The following CTNND2 variants were observed in gnomAD, a reference collection of about 807,000 sequenced individuals.
The protein encoded by CTNND2 is catenin delta-2.
A neutral mutation model predicts 144.4 loss-of-function variants in CTNND2; 22 were observed. That is an observed-to-expected ratio of 0.15 (90% confidence interval 0.11 to 0.22). The LOEUF is 0.22. Ranked by LOEUF, CTNND2 falls within the 10% of genes least tolerant of loss-of-function variation. The pLI, the probability that CTNND2 is intolerant of heterozygous loss-of-function variation, is 1.00. For synonymous variants in CTNND2, 751 were observed against 695.6 expected, an observed-to-expected ratio of 1.08 and a Z score of -1.25; for missense variants, 1,353 against 1,618.8, an observed-to-expected ratio of 0.84 and a Z score of 2.82.
At chr5:11,404,691 C>T (rs1760944497) in intron 5 of CTNND2, among the ~76,000 whole-genome samples, 1 of 131,296 alleles carries the variant, frequency 7.6e-6, no homozygotes, top group African/African-American at 2.7e-5. Flanking sequence ...AATCTTGGCT[C>T]ACTGCAACCT....
At chr5:11,646,511 T>C (rs1327987748) in intron 2 of CTNND2, among the ~76,000 whole-genome samples, 1 of 152,202 alleles carries the variant, frequency 6.6e-6, no homozygotes, top group Non-Finnish European at 1.5e-5. Context: ...TTGGAATACA[T>C]TTCCATCAGT....
chr5:11,762,107 T>A (rs1789299319), intron 1 of CTNND2, among the ~76,000 whole-genome samples: 1 of 152,184 alleles, frequency 6.6e-6, no homozygotes, highest in Admixed American at 6.5e-5. Flanking sequence ...CTGATATAAC[T>A]GGATGAAATC....
intron 3 of CTNND2, among the ~76,000 whole-genome samples, chr5:11,482,332 AC>A (rs1395227360): frequency 1.3e-5 from 2 of 152,110 alleles, no homozygotes; most frequent in Admixed American, 6.5e-5. Context: ...CACCACCTAC[AC>A]ATACAAAATG....
chr5:11,634,451 A>G (rs922143580), intron 2 of CTNND2, among the ~76,000 whole-genome samples: 2 of 152,088 alleles, frequency 1.3e-5, no homozygotes, highest in Non-Finnish European at 2.9e-5. Flanking sequence ...TTTCTCCTCA[A>G]TCTCAATCCC....
chr5:11,213,297 A>G (rs1738830055), intron 10 of CTNND2, among the ~76,000 whole-genome samples: 1 of 152,114 alleles, frequency 6.6e-6, no homozygotes, highest in Non-Finnish European at 1.5e-5. Flanking sequence ...GAAAAGCTTA[A>G]GTTCCACCAC....
intron 9 of CTNND2, among the ~76,000 whole-genome samples, chr5:11,316,930 G>A (rs1258129962): frequency 6.6e-6 from 1 of 151,882 alleles, no homozygotes; most frequent in Admixed American, 6.6e-5. Flanking sequence ...TTGCTATTGT[G>A]AATAGTGCCA....
rs150359360 is a variant in CTNND2 at position 11,647,305 on chromosome 5, C to G, written c.175-82249G>C. On this transcript the variant is annotated intron_variant, in intron 2 of 21. Transcript: ENST00000304623. ...ATAAAGCTGTCTGCCTTCTCCATGTCTAAGTTCCAACAAAATAACTTCAGC... is the reference window on the plus strand; with the variant it reads ...ATAAAGCTGTCTGCCTTCTCCATGTGTAAGTTCCAACAAAATAACTTCAGC... Among the ~76,000 whole-genome samples the G allele has an allele frequency of 7.6e-4, 115 of 152,254 alleles. 3 individuals carry two copies. In the East Asian group the frequency reaches 0.021, roughly 27 times the overall value.
At chr5:11,302,829 G>A (rs1749752736) in intron 9 of CTNND2, among the ~76,000 whole-genome samples, 13 of 152,188 alleles carry the variant, frequency 8.5e-5, no homozygotes, top group Admixed American at 8.5e-4. Flanking sequence ...TGGTTATGAG[G>A]CAATGCCTGG....
At chr5:11,727,516 A>G (rs1787088004) in intron 2 of CTNND2, among the ~76,000 whole-genome samples, 1 of 152,138 alleles carries the variant, frequency 6.6e-6, no homozygotes, top group African/African-American at 2.4e-5. Flanking sequence ...AAGGAAATGC[A>G]TGCTTTTTTT....
chr5:11,357,366 C>G (rs180855474), intron 8 of CTNND2, among the ~76,000 whole-genome samples: 1 of 152,130 alleles, frequency 6.6e-6, no homozygotes, highest in Admixed American at 6.5e-5. Flanking sequence ...AAAATGAAAT[C>G]CTGCCATTTG....
chr5:11,831,411 G>A (rs1793893254), intron 1 of CTNND2, among the ~76,000 whole-genome samples: 1 of 152,134 alleles, frequency 6.6e-6, no homozygotes, highest in Non-Finnish European at 1.5e-5. Flanking sequence ...GCTCATGCCT[G>A]TAATCCCAGC....
At chr5:11,593,317 G>A (rs920854781) in intron 2 of CTNND2, among the ~76,000 whole-genome samples, 2 of 152,162 alleles carry the variant, frequency 1.3e-5, no homozygotes, top group Non-Finnish European at 2.9e-5. Context: ...GTCTTTCTCT[G>A]TATATGTGTT....
intron 9 of CTNND2, among the ~76,000 whole-genome samples, chr5:11,247,168 T>G (rs1561088165): frequency 6.6e-6 from 1 of 152,044 alleles, no homozygotes; most frequent in Non-Finnish European, 1.5e-5. Flanking sequence ...CGCTGGATGC[T>G]AGGTTAAGAA....
intron 1 of CTNND2, among the ~76,000 whole-genome samples, chr5:11,782,701 T>G (rs564920232): frequency 6.6e-6 from 1 of 152,362 alleles, no homozygotes; most frequent in South Asian, 2.1e-4. Flanking sequence ...CTTTTTGAAC[T>G]GTCTGGGTTC....
chr5:11,156,884 C>A (rs144037210), intron 12 of CTNND2, among the ~76,000 whole-genome samples: 1 of 152,206 alleles, frequency 6.6e-6, no homozygotes, highest in Admixed American at 6.5e-5. Flanking sequence ...CACATGGATG[C>A]CACTCCGTTT....
At position 11,463,942 on chromosome 5, in the gene CTNND2, T is replaced by C. The variant is rs199618939; in HGVS notation, c.288-51873A>G. 3.3e-5 allele frequency among the ~76,000 whole-genome samples: 5 copies of C among 152,188 alleles called. No individual in the cohort carries two copies. The East Asian group carries it at 7.7e-4, about 24-fold the overall frequency. On this transcript the variant is annotated intron_variant, in intron 3 of 21. Coordinates refer to ENST00000304623, the MANE Select transcript of CTNND2 (RefSeq NM_001332.4). ...CTCAAGTGATTAGTGAGGCAGGGTA[T>C]AGAGATAGCCAAAATAAGTGTTAGT...
intron 9 of CTNND2, among the ~76,000 whole-genome samples, chr5:11,247,268 G>A (rs1174433732): frequency 2.0e-5 from 3 of 152,142 alleles, no homozygotes; most frequent in Non-Finnish European, 2.9e-5. Flanking sequence ...TGAGAAGCAC[G>A]GGCAGTCTGG....
chr5:11,674,583 G>A (rs1784070338), intron 2 of CTNND2, among the ~76,000 whole-genome samples: 1 of 152,208 alleles, frequency 6.6e-6, no homozygotes, highest in Non-Finnish European at 1.5e-5. Context: ...CATTCTATGG[G>A]TTTGAAGAAA....
intron 16 of CTNND2, among the ~76,000 whole-genome samples, chr5:11,068,004 T>C (rs1747800323): frequency 6.6e-6 from 1 of 152,218 alleles, no homozygotes; most frequent in Admixed American, 6.5e-5. Flanking sequence ...GCTATTCCAT[T>C]AGAAGCAACT....
Sources: allele counts gnomAD v4.1 joint callset (sites outside exome capture counted in the v4.1 genomes callset), GRCh38; gene constraint gnomAD v4.1.1; transcripts MANE v1.5; gene names NCBI Gene and HGNC (gene_info 2026-07-23, HGNC 2026-07-21).